Variants in DNAAF4 observed in about 807,000 individuals in gnomAD.
DNAAF4 encodes the protein dynein axonemal assembly factor 4.
A neutral mutation model predicts 51.8 loss-of-function variants in DNAAF4; 43 were observed. That is an observed-to-expected ratio of 0.83 (90% CI 0.65 to 1.07). DNAAF4 has a LOEUF of 1.07. DNAAF4 is among the 50% of genes least tolerant of loss of function. The probability of loss-of-function intolerance (pLI) is 0.00; values close to 1 mark genes in which losing one functional copy is unlikely to be tolerated. For missense variants in DNAAF4, 581 were observed against 493.0 expected, an observed-to-expected ratio of 1.18 and a Z score of -1.69; for synonymous variants, 194 against 165.6, an observed-to-expected ratio of 1.17 and a Z score of -1.32.
chr15:55,453,509 T>C (rs1464295805), intron 5 of DNAAF4, among the ~76,000 whole-genome samples: 1 of 148,260 alleles, frequency 6.7e-6, no homozygotes, highest in African/African-American at 2.5e-5. Flanking sequence ...ACTAAGAAGC[T>C]AGTGACAAAG....
At chr15:55,469,785 C>T (rs562985297) in intron 4 of DNAAF4, among the ~76,000 whole-genome samples, 7 of 151,838 alleles carry the variant, frequency 4.6e-5, no homozygotes, top group Admixed American at 6.6e-5. Context: ...CCACTGCGCC[C>T]GGCCTATGCT....
At chr15:55,507,217 C>G (rs1324017887) in intron 1 of DNAAF4, among the ~76,000 whole-genome samples, 2 of 152,096 alleles carry the variant, frequency 1.3e-5, no homozygotes, top group African/African-American at 2.4e-5. Context: ...TGTGGTAAAA[C>G]TATACAAACA....
At chr15:55,427,919 G>C (rs980455252), downstream of DNAAF4, among the ~76,000 whole-genome samples, 1 of 150,968 alleles carries the variant, frequency 6.6e-6, no homozygotes, top group Non-Finnish European at 1.5e-5. Flanking sequence ...GCAGGCATGA[G>C]CCACCGCGCC....
intron 5 of DNAAF4, among the ~76,000 whole-genome samples, chr15:55,463,954 CA>C: frequency 6.6e-6 from 1 of 152,188 alleles, no homozygotes; most frequent in East Asian, 1.9e-4. Flanking sequence ...CTAGAAAAAA[CA>C]ATCCTAAAAT....
chr15:55,457,064 C>A (rs950913801), intron 5 of DNAAF4, among the ~76,000 whole-genome samples: 1 of 152,118 alleles, frequency 6.6e-6, no homozygotes, highest in Non-Finnish European at 1.5e-5. Context: ...AGTACAGATG[C>A]GAGTGCAGAA....
intron 6 of DNAAF4, among the ~76,000 whole-genome samples, chr15:55,449,183 T>C (rs1172156493): frequency 4.0e-5 from 6 of 149,252 alleles, no homozygotes. Flanking sequence ...AGCGATGGGG[T>C]TTCACCATGT....
chr15:55,469,276 G>C (rs1272434253), intron 4 of DNAAF4, among the ~76,000 whole-genome samples: 2 of 151,374 alleles, frequency 1.3e-5, no homozygotes, highest in African/African-American at 2.4e-5. Flanking sequence ...GTTGCAGTGA[G>C]CCGAGATAAA....
chr15:55,491,035 C>T, intron 4 of DNAAF4, 88 bp downstream of exon 4: 1 of 1,488,760 alleles, frequency 6.7e-7, no homozygotes. Context: ...GAAGAAAATG[C>T]TGAGGAAGTC....
chr15:55,447,855 G>A lies in DNAAF4; in HGVS notation c.783+2367C>T, dbSNP rs904843499. On this transcript the variant is annotated intron_variant, in intron 6 of 9. Coordinates refer to ENST00000321149, the MANE Select transcript of DNAAF4 (RefSeq NM_130810.4). ...AGAGGGGAGAGGGGAGAGGGCAGAG[G>A]GGAGAGGGGAGAGGGGAGAGGGGAG... 1.7e-4 allele frequency among the ~76,000 whole-genome samples: 22 copies of A among 131,484 alleles called. No individual in the cohort carries two copies. In the East Asian group the frequency reaches 6.5e-3, roughly 39 times the overall value. The allele number at this position is 131,484 out of a possible 152,430, so 86.3% of individuals were successfully genotyped here. A position where few individuals can be genotyped will look rare whatever the true frequency, so the allele number is the denominator to read the frequency against.
At chr15:55,481,648 C>T (rs139738969) in intron 4 of DNAAF4, among the ~76,000 whole-genome samples, 9 of 152,252 alleles carry the variant, frequency 5.9e-5, no homozygotes, top group East Asian at 1.9e-4. Flanking sequence ...CTAATCCGCA[C>T]GAAGCAATTA....
chr15:55,427,877 C>T (rs1443092170), downstream of DNAAF4, among the ~76,000 whole-genome samples: 1 of 151,702 alleles, frequency 6.6e-6, no homozygotes, highest in Non-Finnish European at 1.5e-5. Context: ...TCAGGTGATC[C>T]ACCCGCCTCG....
chr15:55,507,482 A>G (rs1312639280), intron 1 of DNAAF4, among the ~76,000 whole-genome samples: 1 of 152,220 alleles, frequency 6.6e-6, no homozygotes, highest in Non-Finnish European at 1.5e-5. Flanking sequence ...GAATGGTTGT[A>G]TGGGTACTCA....
chr15:55,463,169 GTC>G (rs886694338), intron 5 of DNAAF4, among the ~76,000 whole-genome samples: 1,345 of 72,180 alleles, frequency 0.019, 17 homozygotes, highest in African/African-American at 0.04. Context: ...GTGAGACTCT[GTC>G]TCACACACAC....
chr15:55,432,904 C>A (rs188966175), intron 8 of DNAAF4, among the ~76,000 whole-genome samples: 1 of 151,900 alleles, frequency 6.6e-6, no homozygotes, highest in African/African-American at 2.4e-5. Flanking sequence ...GAGCCGAGAT[C>A]GCGCCACTGA....
At chr15:55,484,335 A>T (rs75769322) in intron 4 of DNAAF4, among the ~76,000 whole-genome samples, 2 of 152,124 alleles carry the variant, frequency 1.3e-5, no homozygotes, top group East Asian at 1.9e-4. Context: ...TACAAAAAAA[A>T]TTAGCCAGGC....
chr15:55,450,455 A>C, intron 5 of DNAAF4, 88 bp from the exon 6 acceptor site: 13 of 1,373,020 alleles, frequency 9.5e-6, no homozygotes, highest in South Asian at 1.4e-5. Flanking sequence ...ATCAAAGCTC[A>C]CCCCCAAATC....
In DNAAF4 at chr15:55,498,187, G is replaced by C; in HGVS notation, c.123+20C>G. The C allele has an allele frequency of 6.2e-7, 1 of 1,614,096 alleles. No homozygotes were observed. The highest frequency in any genetic ancestry group is 8.5e-7 in the Non-Finnish European group (1 of 1,179,980). On this transcript the variant is annotated intron_variant, in intron 2 of 9. Coordinates refer to ENST00000321149, the MANE Select transcript of DNAAF4 (RefSeq NM_130810.4). ...CGGACCACACCCCCGGAGACCGGCA[G>C]GCAAGACTTGCATTCTTACCTTCAG...
chr15:55,444,791 T>G (rs2057770003), intron 6 of DNAAF4, among the ~76,000 whole-genome samples: 1 of 152,150 alleles, frequency 6.6e-6, no homozygotes, highest in Non-Finnish European at 1.5e-5. Context: ...CCTACGTATT[T>G]TTTTCTCTTT....
intron 1 of DNAAF4, among the ~76,000 whole-genome samples, chr15:55,504,862 C>G (rs1180261652): frequency 6.6e-6 from 1 of 152,142 alleles, no homozygotes; most frequent in African/African-American, 2.4e-5. Context: ...TAGGCATGGG[C>G]AAAAACTTCA....
Sources: gnomAD v4.1 joint callset for allele counts (sites outside exome capture counted in the v4.1 genomes callset) on GRCh38, gnomAD v4.1.1 for gene constraint, MANE v1.5 for transcripts, NCBI Gene and HGNC (gene_info 2026-07-23, HGNC 2026-07-21) for gene names.